Variants in ALG1L2 observed in about 807,000 individuals in gnomAD.
ALG1L2 encodes the protein ALG1 chitobiosyldiphosphodolichol beta-mannosyltransferase like 2, also known as putative glycosyltransferase ALG1L2.
Under a neutral mutation model 29.0 loss-of-function variants are expected in ALG1L2, and 32 were observed. The observed-to-expected ratio is 1.10, with a 90% CI of 0.83 to 1.48. ALG1L2 has a LOEUF of 1.48. Among genes scored for constraint, ALG1L2 ranks in the 40% most tolerant of loss-of-function variants. The pLI is 0.00. For synonymous variants in ALG1L2, 110 were observed against 109.5 expected (o/e 1.00, Z -0.03); for missense variants, 318 against 274.1 (o/e 1.16, Z -1.13).
At chr3:130,086,265 T>C (rs1934889212) in intron 1 of ALG1L2, among the ~76,000 whole-genome samples, 1 of 151,074 alleles carries the variant, frequency 6.6e-6, no homozygotes, top group South Asian at 2.1e-4. Context: ...TCAAATGGGT[T>C]CTGGAGATAA....
At chr3:130,095,498 C>T (rs1488988646) in intron 5 of ALG1L2, among the ~76,000 whole-genome samples, 6 of 151,662 alleles carry the variant, frequency 4.0e-5, no homozygotes, top group Middle Eastern at 3.2e-3. Flanking sequence ...TGCAATGGTG[C>T]GATCTTGGCT....
At chr3:130,088,013 T>C (rs1934928028) in intron 1 of ALG1L2, among the ~76,000 whole-genome samples, 1 of 152,310 alleles carries the variant, frequency 6.6e-6, no homozygotes, top group African/African-American at 2.4e-5. Context: ...AGGAAAGTTC[T>C]AGGCTGGGGA....
intron 2 of ALG1L2, 112 bp from the exon 3 acceptor site, chr3:130,091,989 C>G: frequency 6.5e-7 from 1 of 1,538,970 alleles, no homozygotes; most frequent in Non-Finnish European, 8.8e-7. Context: ...GCTGATGCAG[C>G]CGGGCACCCC....
intron 1 of ALG1L2, among the ~76,000 whole-genome samples, chr3:130,082,751 G>A (rs1298429976): frequency 6.6e-3 from 966 of 146,812 alleles, no homozygotes; most frequent in African/African-American, 0.023. Flanking sequence ...TCCCCATGGC[G>A]TGTCTGCTGT....
intron 6 of ALG1L2, among the ~76,000 whole-genome samples, chr3:130,096,442 T>TG (rs1935135497): frequency 1.2e-5 from 1 of 80,914 alleles, no homozygotes; most frequent in South Asian, 3.1e-4. Flanking sequence ...CAACCCAGTA[T>TG]GAAAAAAAAA....
At chr3:130,095,910 T>G (rs1200865377) in intron 5 of ALG1L2, 139 bp from the exon 6 acceptor site, 3 of 850,394 alleles carry the variant, frequency 3.5e-6, no homozygotes, top group Non-Finnish European at 3.8e-6. Flanking sequence ...TTGGCCAGCT[T>G]AAGCCACTTG....
intron 1 of ALG1L2, among the ~76,000 whole-genome samples, chr3:130,084,687 G>T (rs9883898): frequency 8.0e-6 from 1 of 124,332 alleles, no homozygotes; most frequent in African/African-American, 2.7e-5. Context: ...GAAATGCATC[G>T]TCTTACACCT....
rs1409367007 is a variant in ALG1L2 at position 130,085,045 on chromosome 3, G to A, written c.20+3009G>A. On this transcript the variant is annotated intron_variant, in intron 1 of 7. Transcript: ENST00000425059. The stretch of plus-strand genomic sequence containing the variant: ...GCAATCTTGGCTCACTGTCACTTCC[G>A]CCTCCCGGGTTCAAGCAATTGTCCT... 7.0e-5 allele frequency among the ~76,000 whole-genome samples: 9 copies of A among 129,224 alleles called. 1 individual carries two copies. The highest frequency in any genetic ancestry group is 1.4e-4 in the Non-Finnish European group (8 of 56,082). 84.8% of individuals were successfully genotyped at this position (129,224 alleles called of 152,430 possible). A position where few individuals can be genotyped will look rare whatever the true frequency, so the allele number is the denominator to read the frequency against.
At chr3:130,086,278 AATAG>A (rs1934889421) in intron 1 of ALG1L2, among the ~76,000 whole-genome samples, 1 of 150,946 alleles carries the variant, frequency 6.6e-6, no homozygotes, top group Admixed American at 6.6e-5. Context: ...GGAGATAAGC[AATAG>A]ATAAACAACG....
chr3:130,089,685 G>T (rs1442028766), intron 1 of ALG1L2, among the ~76,000 whole-genome samples: 1 of 152,294 alleles, frequency 6.6e-6, no homozygotes, highest in African/African-American at 2.4e-5. Context: ...CTATTGGACA[G>T]CTCTGTTCTA....
intron 4 of ALG1L2, 102 bp downstream of exon 4, chr3:130,093,262 C>T: frequency 7.3e-7 from 1 of 1,374,352 alleles, no homozygotes; most frequent in East Asian, 2.3e-5. Context: ...TCTCCTTAAT[C>T]CTCACTGCAG....
At chr3:130,082,829 A>G (rs1191180512) in intron 1 of ALG1L2, among the ~76,000 whole-genome samples, 8 of 146,606 alleles carry the variant, frequency 5.5e-5, no homozygotes, top group African/African-American at 1.9e-4. Context: ...AGTGAGCATA[A>G]GGGAAGCCTA....
intron 1 of ALG1L2, among the ~76,000 whole-genome samples, chr3:130,084,677 G>T (rs1192985299): frequency 1.5e-5 from 2 of 129,758 alleles, no homozygotes; most frequent in African/African-American, 5.2e-5. Context: ...TAGAACTACA[G>T]AAATGCATCG....
At chr3:130,088,428 C>G (rs1053370939) in intron 1 of ALG1L2, among the ~76,000 whole-genome samples, 2 of 3,192 alleles carry the variant, frequency 6.3e-4, no homozygotes, top group Non-Finnish European at 1.0e-3. Context: ...TTCTTTTTTT[C>G]TTTTTCTGAG....
In ALG1L2 at chr3:130,098,257, C is replaced by A. The variant is rs145821517; in HGVS notation, c.*2C>A. The A allele has an allele frequency of 6.1e-4, 969 of 1,596,426 alleles. 14 individuals carry two copies. In the East Asian group the frequency reaches 0.021, roughly 34 times the overall value. ...GATGCTTTTCTCAAACTTTCCTGATCCTGAAGGCAAGCTAAACCAGTTCCG... is the reference window on the plus strand; with the variant it reads ...GATGCTTTTCTCAAACTTTCCTGATACTGAAGGCAAGCTAAACCAGTTCCG... On this transcript the variant is annotated 3_prime_UTR_variant, in exon 8 of 8. Coordinates refer to ENST00000425059, the MANE Select transcript of ALG1L2 (RefSeq NM_001136152.1).
At position 130,086,940 on chromosome 3, in the gene ALG1L2, C is replaced by T. The variant is rs140729575; in HGVS notation, c.21-4321C>T. The stretch of plus-strand genomic sequence containing the variant: ...AATGCCAGGAGCAACTTTGGTGGTG[C>T]GTTCCCCACACCTGCCCCCTTTGCC... On this transcript the variant is annotated intron_variant, in intron 1 of 7. Transcript: ENST00000425059. Among the ~76,000 whole-genome samples, 425 of 151,234 alleles carry T rather than the reference C, an allele frequency of 2.8e-3. 1 individual carries two copies. Among genetic ancestry groups the T allele is most frequent in the African/African-American group, 9.9e-3 (408 of 41,316 alleles).
intron 6 of ALG1L2, among the ~76,000 whole-genome samples, chr3:130,096,892 A>G (rs1559789334): frequency 1.3e-5 from 2 of 152,216 alleles, no homozygotes; most frequent in Admixed American, 6.5e-5. Flanking sequence ...TAAGAAAAAC[A>G]TGCAAAAATA....
intron 3 of ALG1L2, 90 bp from the exon 4 acceptor site, chr3:130,093,011 C>T (rs186351187): frequency 3.2e-6 from 4 of 1,238,292 alleles, no homozygotes; most frequent in East Asian, 3.0e-5. Context: ...GCCTGGGTGA[C>T]AGAGCGAGAG....
At chr3:130,085,780 G>A (rs1359851514) in intron 1 of ALG1L2, among the ~76,000 whole-genome samples, 2 of 149,198 alleles carry the variant, frequency 1.3e-5, no homozygotes, top group Non-Finnish European at 3.0e-5. Flanking sequence ...TTTCTTCAAA[G>A]GTATGAGGCA....
Sources: allele counts gnomAD v4.1 joint callset (sites outside exome capture counted in the v4.1 genomes callset), GRCh38; gene constraint gnomAD v4.1.1; transcripts MANE v1.5; gene names NCBI Gene and HGNC (gene_info 2026-07-23, HGNC 2026-07-21).